Variants in SOX5 observed in about 807,000 individuals in gnomAD.
SOX5 encodes SRY-box transcription factor 5.
A neutral mutation model predicts 92.0 loss-of-function variants in SOX5; 9 were observed. That is an observed-to-expected ratio of 0.10 (90% CI 0.06 to 0.17). The LOEUF (loss-of-function observed/expected upper bound fraction) is 0.17, where lower values mean the gene tolerates loss of function less well. SOX5 is among the 10% of genes least tolerant of loss of function. The pLI is 1.00. For synonymous variants in SOX5, 344 were observed against 336.3 expected (o/e 1.02, Z -0.25); for missense variants, 642 against 944.5 (o/e 0.68, Z 4.20).
chr12:23,809,126 C>T (rs937736906), intron 3 of SOX5, among the ~76,000 whole-genome samples: 1 of 152,008 alleles, frequency 6.6e-6, no homozygotes, highest in Non-Finnish European at 1.5e-5. Context: ...ATAAACCACA[C>T]GTACACACAC....
chr12:24,423,827 G>A (rs1966303787), intron 1 of SOX5, among the ~76,000 whole-genome samples: 1 of 152,148 alleles, frequency 6.6e-6, no homozygotes, highest in Admixed American at 6.5e-5. Context: ...AGTCACAGAG[G>A]TGTCCTAGGA....
chr12:23,701,726 T>C (rs2090653137), intron 6 of SOX5, among the ~76,000 whole-genome samples: 1 of 152,062 alleles, frequency 6.6e-6, no homozygotes, highest in African/African-American at 2.4e-5. Context: ...AATAGATTTG[T>C]AGTGACATAA....
intron 4 of SOX5, among the ~76,000 whole-genome samples, chr12:24,101,585 G>A (rs1282279533): frequency 2.6e-5 from 4 of 152,030 alleles, no homozygotes; most frequent in Admixed American, 1.3e-4. Flanking sequence ...TACTCAATTC[G>A]TAAACCGTCG....
intron 3 of SOX5, among the ~76,000 whole-genome samples, chr12:23,826,552 G>A (rs1382241533): frequency 6.6e-6 from 1 of 152,006 alleles, no homozygotes; most frequent in Non-Finnish European, 1.5e-5. Flanking sequence ...ACTATATAAG[G>A]ACTGACAACT....
chr12:23,635,486 G>T (rs2079102330), intron 8 of SOX5, among the ~76,000 whole-genome samples: 1 of 152,048 alleles, frequency 6.6e-6, no homozygotes, highest in African/African-American at 2.4e-5. Context: ...CATGGACACA[G>T]GAAGGGGAAC....
chr12:24,145,482 A>T (rs927202891), intron 4 of SOX5, among the ~76,000 whole-genome samples: 5 of 152,140 alleles, frequency 3.3e-5, no homozygotes, highest in African/African-American at 1.2e-4. Flanking sequence ...AATGGATTAA[A>T]AAAGATATAA....
intron 2 of SOX5, among the ~76,000 whole-genome samples, chr12:24,325,672 A>T (rs1025416783): frequency 6.6e-6 from 1 of 152,234 alleles, no homozygotes; most frequent in South Asian, 2.1e-4. Context: ...AGTGGAAAAG[A>T]CATGTTTTAG....
At chr12:23,833,557 A>T (rs2096365654) in intron 3 of SOX5, among the ~76,000 whole-genome samples, 1 of 151,992 alleles carries the variant, frequency 6.6e-6, no homozygotes, top group Admixed American at 6.6e-5. Flanking sequence ...CTTCTTAGAG[A>T]AGTATGCAGT....
chr12:23,615,203 T>C (rs1489050985), intron 8 of SOX5, among the ~76,000 whole-genome samples: 1 of 152,188 alleles, frequency 6.6e-6, no homozygotes, highest in Non-Finnish European at 1.5e-5. Flanking sequence ...TCTAATGATG[T>C]TGAGCATCTT....
intron 4 of SOX5, among the ~76,000 whole-genome samples, chr12:24,153,042 G>A (rs1441412262): frequency 1.3e-5 from 2 of 152,080 alleles, no homozygotes; most frequent in African/African-American, 4.8e-5. Context: ...ACCAGGAGTG[G>A]CTGTTGTCAG....
chr12:23,818,232 C>G (rs2096035725), intron 3 of SOX5, among the ~76,000 whole-genome samples: 1 of 152,044 alleles, frequency 6.6e-6, no homozygotes, highest in African/African-American at 2.4e-5. Flanking sequence ...TTTCACAGAC[C>G]CAGCTGGTAT....
chr12:23,918,188 T>G (rs1315156075), intron 1 of SOX5, among the ~76,000 whole-genome samples: 1 of 152,218 alleles, frequency 6.6e-6, no homozygotes, highest in Non-Finnish European at 1.5e-5. Context: ...TTATGCCTAC[T>G]AACAATACAA....
chr12:23,745,151 T>C (rs1180699888), intron 4 of SOX5, among the ~76,000 whole-genome samples: 1 of 152,136 alleles, frequency 6.6e-6, no homozygotes, highest in Non-Finnish European at 1.5e-5. Flanking sequence ...AAGTGCGTAG[T>C]TCAACCCATA....
At chr12:24,046,356 C>T (rs1308960827) in intron 4 of SOX5, among the ~76,000 whole-genome samples, 2 of 151,932 alleles carry the variant, frequency 1.3e-5, no homozygotes, top group Non-Finnish European at 2.9e-5. Flanking sequence ...TTTTCCCTTT[C>T]CAGATGTTAT....
At chr12:24,557,548 C>T (rs1169245051) in intron 1 of SOX5, among the ~76,000 whole-genome samples, 2 of 152,126 alleles carry the variant, frequency 1.3e-5, no homozygotes, top group Non-Finnish European at 2.9e-5. Flanking sequence ...TGATTCCTTC[C>T]TGAATTCCCT....
intron 2 of SOX5, among the ~76,000 whole-genome samples, chr12:24,297,916 G>A (rs1272562309): frequency 6.6e-6 from 1 of 151,946 alleles, no homozygotes; most frequent in Middle Eastern, 3.2e-3. Flanking sequence ...ACTTCCATAT[G>A]AATACTAGAT....
chr12:24,136,601 G>T (rs188458733), intron 4 of SOX5, among the ~76,000 whole-genome samples: 106 of 152,308 alleles, frequency 7.0e-4, no homozygotes, highest in Admixed American at 6.9e-3. Flanking sequence ...TATTGTTTAA[G>T]GGGGCTTCAG....
intron 1 of SOX5, among the ~76,000 whole-genome samples, chr12:24,381,186 C>T (rs138652911): frequency 1.1e-4 from 16 of 152,314 alleles, no homozygotes; most frequent in Admixed American, 1.0e-3. Flanking sequence ...TGTGGCTTTA[C>T]TCATTGACCA....
At chr12:24,453,169 G>T (rs1362203476) in intron 1 of SOX5, among the ~76,000 whole-genome samples, 3 of 151,996 alleles carry the variant, frequency 2.0e-5, no homozygotes, top group Non-Finnish European at 4.4e-5. Flanking sequence ...ACTACTGGTG[G>T]ACAACCACAT....
Sources: gnomAD v4.1 joint callset for allele counts (sites outside exome capture counted in the v4.1 genomes callset) on GRCh38, gnomAD v4.1.1 for gene constraint, MANE v1.5 for transcripts, NCBI Gene and HGNC (gene_info 2026-07-23, HGNC 2026-07-21) for gene names.